The following RCOR1 variants were observed in gnomAD, a reference collection of about 807,000 sequenced individuals.
The protein encoded by RCOR1 is REST corepressor 1.
A neutral mutation model predicts 64.0 loss-of-function variants in RCOR1; 12 were observed. The ratio of observed to expected loss-of-function variants is 0.19; its 90% CI spans 0.12 to 0.30. The LOEUF (loss-of-function observed/expected upper bound fraction) is 0.30, where lower values mean the gene tolerates loss of function less well. Among genes scored for constraint, RCOR1 ranks in the 10% least tolerant of loss-of-function variants. RCOR1 has a pLI of 1.00. For missense variants in RCOR1, 502 were observed against 621.2 expected (o/e 0.81, Z 2.04); for synonymous variants, 279 against 227.2 (o/e 1.23, Z -2.05).
intron 2 of RCOR1, among the ~76,000 whole-genome samples, chr14:102,634,227 G>C (rs1351076315): frequency 6.6e-6 from 1 of 152,036 alleles, no homozygotes; most frequent in Non-Finnish European, 1.5e-5. Context: ...TAAAAAACAG[G>C]CTGGGCTTCA....
In RCOR1 at chr14:102,592,755, G is replaced by T; in HGVS notation, c.-132G>T. 8.2e-7 allele frequency: 1 copy of T among 1,214,798 alleles called. No individual in the cohort carries two copies. Among genetic ancestry groups the T allele is most frequent in the Non-Finnish European group, 1.0e-6 (1 of 977,306 alleles). The allele number at this position is 1,214,798 out of a possible 1,614,324, so 75.3% of individuals were successfully genotyped here. On this transcript the variant is annotated 5_prime_UTR_variant, in exon 1 of 12. Transcript: ENST00000262241. ...TGCCCGTTTGGGCCTCCCCCGACTC[G>T]GACTCGCGCCCGTGGGCTCCCGCCG...
intron 2 of RCOR1, among the ~76,000 whole-genome samples, chr14:102,631,602 G>T (rs1894112550): frequency 6.6e-6 from 1 of 151,978 alleles, no homozygotes; most frequent in South Asian, 2.1e-4. Context: ...TGGACATGTG[G>T]GTATCATTAT....
chr14:102,659,452 G>C (rs1035914042), intron 2 of RCOR1, among the ~76,000 whole-genome samples: 4 of 152,128 alleles, frequency 2.6e-5, no homozygotes, highest in African/African-American at 4.8e-5. Context: ...CAGAATACCA[G>C]GACAAGGAAC....
intron 2 of RCOR1, among the ~76,000 whole-genome samples, chr14:102,673,071 T>TA (rs1327191864): frequency 6.6e-6 from 1 of 152,190 alleles, no homozygotes; most frequent in Non-Finnish European, 1.5e-5. Context: ...AGTGAAATAT[T>TA]ACAGTGTTAC....
chr14:102,592,826 G>C lies in RCOR1; in HGVS notation c.-61G>C, dbSNP rs1164361030. 8.6e-7 allele frequency: 1 copy of C among 1,169,502 alleles called. No individual in the cohort carries two copies. Among genetic ancestry groups the C allele is most frequent in the East Asian group, 3.9e-5 (1 of 25,694 alleles). The allele number at this position is 1,169,502 out of a possible 1,614,324, so 72.4% of individuals were successfully genotyped here. A position where few individuals can be genotyped will look rare whatever the true frequency, so the allele number is the denominator to read the frequency against. On this transcript the variant is annotated 5_prime_UTR_variant, in exon 1 of 12. Coordinates refer to ENST00000262241, the MANE Select transcript of RCOR1 (RefSeq NM_015156.4). ...GGCCCCGCGCCCCCTCCCCCGTCTC[G>C]GCGCCCCCTCCTCAGGAGCCGCGGG...
chr14:102,596,897 G>A (rs1328966379), intron 2 of RCOR1, among the ~76,000 whole-genome samples: 6 of 116,004 alleles, frequency 5.2e-5, no homozygotes, highest in African/African-American at 2.1e-4. Flanking sequence ...TTTTGAGACG[G>A]AGTCTTGATC....
At chr14:102,638,137 C>G (rs1458868525) in intron 2 of RCOR1, among the ~76,000 whole-genome samples, 1 of 152,176 alleles carries the variant, frequency 6.6e-6, no homozygotes, top group Non-Finnish European at 1.5e-5. Context: ...AGAACAGAAA[C>G]CTGTGTACAG....
intron 2 of RCOR1, among the ~76,000 whole-genome samples, chr14:102,602,874 T>G (rs1195889366): frequency 6.6e-6 from 1 of 151,748 alleles, no homozygotes; most frequent in East Asian, 1.9e-4. Flanking sequence ...CCTGACTGAT[T>G]TTTGAACTTT....
chr14:102,631,393 C>T (rs915488138), intron 2 of RCOR1, among the ~76,000 whole-genome samples: 4 of 151,242 alleles, frequency 2.6e-5, no homozygotes, highest in African/African-American at 9.7e-5. Flanking sequence ...TAAGTAGAGA[C>T]GGGGTTTCAC....
In RCOR1 at chr14:102,721,001, T is replaced by C; in HGVS notation, c.1054-6T>C. On this transcript the variant is annotated splice_polypyrimidine_tract_variant and splice_region_variant and intron_variant, in intron 8 of 11. Coordinates refer to ENST00000262241, the MANE Select transcript of RCOR1 (RefSeq NM_015156.4). ...TTTAAAATGAAAATTATTTTTTCCT[T>C]CCTAGATCCAGAATATTAAACAGAC... 6.9e-7 allele frequency: 1 copy of C among 1,442,690 alleles called. No homozygotes were observed. Among genetic ancestry groups the C allele is most frequent in the Non-Finnish European group, 9.5e-7 (1 of 1,057,170 alleles). The allele number at this position is 1,442,690 out of a possible 1,614,324, so 89.4% of individuals were successfully genotyped here.
chr14:102,630,352 C>A (rs74082449), intron 2 of RCOR1, among the ~76,000 whole-genome samples: 1 of 152,200 alleles, frequency 6.6e-6, no homozygotes, highest in South Asian at 2.1e-4. Flanking sequence ...ATCTTCCAGC[C>A]GGCGGAATCA....
intron 2 of RCOR1, among the ~76,000 whole-genome samples, chr14:102,665,328 TTTA>T (rs1178388965): frequency 4.7e-5 from 7 of 150,346 alleles, no homozygotes; most frequent in African/African-American, 1.8e-4. Context: ...TTTTTTTTTT[TTTA>T]AATAAAATAG....
At chr14:102,721,130 C>A in intron 9 of RCOR1, 46 bp downstream of exon 9, 1 of 1,241,818 alleles carries the variant, frequency 8.1e-7, no homozygotes, top group Non-Finnish European at 1.2e-6. Flanking sequence ...TCAAGTTTTA[C>A]ATGTTTAAGA....
rs1276344953 is a variant in RCOR1, at chr14:102,593,044, C to T, written c.158C>T (p.Ser53Leu). The change falls in exon 1 of 12, where the codon TCA (serine) becomes TTA (leucine). Residue 53 changes from serine to leucine, a missense_variant. By Grantham distance (145) the Ser-to-Leu change is moderately radical (BLOSUM62 -2). This residue lies in a region of RCOR1 where 242 missense variants were observed against 204.9 expected (regional missense o/e 1.18). Coordinates refer to ENST00000262241, the MANE Select transcript of RCOR1 (RefSeq NM_015156.4). ...ATAASGAAASSASAAAASAAA... is the reference protein window; with the variant it reads ...ATAASGAAASLASAAAASAAA... ...GCCGCCTCGGGCGCCGCCGCCTCCT[C>T]AGCCTCGGCCGCCGCCGCCTCAGCC... 57 of 1,360,026 alleles carry T rather than the reference C, an allele frequency of 4.2e-5. No individual in the cohort carries two copies. The highest frequency in any genetic ancestry group is 5.3e-5 in the Non-Finnish European group (56 of 1,047,142). 84.2% of individuals were successfully genotyped at this position (1,360,026 alleles called of 1,614,324 possible).
intron 2 of RCOR1, among the ~76,000 whole-genome samples, chr14:102,639,497 T>TTTTATTTATTTATTTA (rs3069233): frequency 7.4e-6 from 1 of 135,388 alleles, no homozygotes; most frequent in Non-Finnish European, 1.6e-5. Context: ...ATTTTTTAAT[T>TTTTATTTATTTATTTA]TTTATTTATT....
chr14:102,637,021 T>TA (rs1894255604), intron 2 of RCOR1, among the ~76,000 whole-genome samples: 1 of 152,138 alleles, frequency 6.6e-6, no homozygotes, highest in African/African-American at 2.4e-5. Flanking sequence ...TGAAGGAACT[T>TA]ACTAGCAAGC....
At position 102,710,733 on chromosome 14, in the gene RCOR1, A is replaced by G. The variant is rs182315768; in HGVS notation, c.780-202A>G. ...GTAGTTTCTCATCACTTAGACTGAA[A>G]GAACTATGGAGTTGGTATTCTGTTT... On this transcript the variant is annotated intron_variant, in intron 6 of 11. Coordinates refer to ENST00000262241, the MANE Select transcript of RCOR1 (RefSeq NM_015156.4). The G allele has an allele frequency of 7.8e-5, 42 of 539,664 alleles. No homozygotes were observed. The East Asian group carries it at 1.2e-3, about 15-fold the overall frequency. 33.4% of individuals were successfully genotyped at this position (539,664 alleles called of 1,614,324 possible).
At position 102,592,659 on chromosome 14, in the gene RCOR1, A is replaced by G. The variant is rs1893150376; in HGVS notation, c.-228A>G. 2 of 1,208,760 alleles carry G rather than the reference A, an allele frequency of 1.7e-6. No homozygotes were observed. The highest frequency in any genetic ancestry group is 2.1e-6 in the Non-Finnish European group (2 of 975,314). 74.9% of individuals were successfully genotyped at this position (1,208,760 alleles called of 1,614,324 possible). On this transcript the variant is annotated 5_prime_UTR_variant, in exon 1 of 12. Coordinates refer to ENST00000262241, the MANE Select transcript of RCOR1 (RefSeq NM_015156.4). ...GCTCCCGGAGTAGTTGGTGCCAGTG[A>G]AGTGAGGGCGGCGATGAGAGCGAAA...
chr14:102,637,924 AGT>A (rs1386145748), intron 2 of RCOR1, among the ~76,000 whole-genome samples: 1 of 152,192 alleles, frequency 6.6e-6, no homozygotes, highest in Non-Finnish European at 1.5e-5. Flanking sequence ...CTGTACTGGA[AGT>A]AAATAATTAA....
Sources: allele counts gnomAD v4.1 joint callset (sites outside exome capture counted in the v4.1 genomes callset), GRCh38; gene constraint gnomAD v4.1.1; regional missense constraint gnomAD v4.1.1; transcripts MANE v1.5; gene names NCBI Gene and HGNC (gene_info 2026-07-23, HGNC 2026-07-21).